Variants in RNF213 observed in about 807,000 individuals in gnomAD.
The protein encoded by RNF213 is E3 ubiquitin-protein ligase RNF213.
A neutral mutation model predicts 514.4 loss-of-function variants in RNF213; 341 were observed. That is an observed-to-expected ratio of 0.66 (90% CI 0.61 to 0.73). The LOEUF is 0.73. Among genes scored for constraint, RNF213 ranks in the 30% least tolerant of loss-of-function variants. The probability of loss-of-function intolerance (pLI) is 0.00; values close to 1 mark genes in which losing one functional copy is unlikely to be tolerated. For missense variants in RNF213, 5,767 were observed against 6,615.6 expected (o/e 0.87, Z 4.45); for synonymous variants, 2,655 against 2,658.2 (o/e 1.00, Z 0.04).
At chr17:80,333,525 C>T (rs1318352802) in intron 21 of RNF213, among the ~76,000 whole-genome samples, 2 of 151,562 alleles carry the variant, frequency 1.3e-5, no homozygotes, top group African/African-American at 4.8e-5. Context: ...GAAACCCCAT[C>T]TCTACTAAAA....
At chr17:80,283,191 A>C (rs1183158864) in intron 3 of RNF213, among the ~76,000 whole-genome samples, 1 of 152,148 alleles carries the variant, frequency 6.6e-6, no homozygotes, top group Non-Finnish European at 1.5e-5. Context: ...AGCAGGAGGC[A>C]CTGGCAGCAC....
Position 80,334,324 on chromosome 17 carries a change from G to C in RNF213, c.4309+54G>C. ...AGTGTGGAGAAAGTTTTCAGATGGCGCACTGTGTGGCGTTCCTAAACTCTT... is the reference window on the plus strand; with the variant it reads ...AGTGTGGAGAAAGTTTTCAGATGGCCCACTGTGTGGCGTTCCTAAACTCTT... On this transcript the variant is annotated intron_variant, in intron 22 of 67. Coordinates refer to ENST00000582970, the MANE Select transcript of RNF213 (RefSeq NM_001256071.3). The C allele has an allele frequency of 4.7e-6, 7 of 1,486,618 alleles. No individual in the cohort carries two copies. In the South Asian group the frequency reaches 9.1e-5, roughly 19 times the overall value. The allele number at this position is 1,486,618 out of a possible 1,614,324, so 92.1% of individuals were successfully genotyped here.
rs1568169784 is a variant in RNF213 at position 80,386,250 on chromosome 17, G to A, written c.14540G>A (p.Gly4847Asp). 2 of 1,607,244 alleles carry A rather than the reference G, an allele frequency of 1.2e-6. No homozygotes were observed. The highest frequency in any genetic ancestry group is 1.7e-6 in the Non-Finnish European group (2 of 1,179,932). ...TTAAGCATAACCCTGTCGTTTAAAG[G>A]TGAGATCAACCTACCCAAAGACTAC... ...NKLRRSLETN[G>D]EINLPKDYCS... The change falls in exon 62 of 68, where the codon GGT (glycine) becomes GAT (aspartate). Residue 4847 changes from glycine (G) to aspartate (D), a missense_variant and splice_region_variant. Around this residue, in one of 13 missense-constraint regions of RNF213, gnomAD observed 1,245 missense variants for 1,339.0 expected, o/e 0.93. Transcript: ENST00000582970.
chr17:80,382,272 T>G (rs1163512833), intron 57 of RNF213: 1 of 157,918 alleles, frequency 6.3e-6, no homozygotes, highest in African/African-American at 2.4e-5. Context: ...AGAAAAGGTC[T>G]GTAAGACAAC....
In RNF213 at chr17:80,394,311, G is replaced by A. The variant is rs561486760; in HGVS notation, c.*813G>A. On this transcript the variant is annotated 3_prime_UTR_variant, in exon 68 of 68. Coordinates refer to ENST00000582970, the MANE Select transcript of RNF213 (RefSeq NM_001256071.3). ...GGCCTGGTTCTGGCAGTTCTTTGCG[G>A]ACTTTTTTCTAGCATTATGCCAAAT... 1 of 152,336 alleles carries A rather than the reference G, an allele frequency of 6.6e-6. No homozygotes were observed. Among genetic ancestry groups the A allele is most frequent in the South Asian group, 2.1e-4 (1 of 4,832 alleles). 9.4% of individuals were successfully genotyped at this position (152,336 alleles called of 1,614,324 possible). A position where few individuals can be genotyped will look rare whatever the true frequency, so the allele number is the denominator to read the frequency against.
At chr17:80,297,045 A>G (rs948595909) in intron 10 of RNF213, among the ~76,000 whole-genome samples, 1 of 152,176 alleles carries the variant, frequency 6.6e-6, no homozygotes, top group Non-Finnish European at 1.5e-5. Context: ...GAGTGGAGGC[A>G]AAGGCAATGT....
In RNF213 at chr17:80,287,790, A is replaced by C. The variant is rs368720211; in HGVS notation, c.262-25A>C. Reference sequence around the variant, plus strand: ...AGAGTAGAGTAAATCTAAGAAATAAAGTGAGTGTCTCTCTTTCTGTTTAGA... The same window carrying C: ...AGAGTAGAGTAAATCTAAGAAATAACGTGAGTGTCTCTCTTTCTGTTTAGA... On this transcript the variant is annotated intron_variant, in intron 3 of 67. Coordinates refer to ENST00000582970, the MANE Select transcript of RNF213 (RefSeq NM_001256071.3). 6 of 1,611,646 alleles carry C rather than the reference A, an allele frequency of 3.7e-6. No homozygotes were observed. In the African/African-American group the frequency reaches 8.0e-5, roughly 22 times the overall value.
intron 11 of RNF213, among the ~76,000 whole-genome samples, chr17:80,303,107 A>G (rs1419551777): frequency 1.3e-5 from 2 of 152,230 alleles, no homozygotes; most frequent in African/African-American, 2.4e-5. Context: ...CAGCGTGTAC[A>G]GCACTGCTCA....
At position 80,337,657 on chromosome 17, in the gene RNF213, C is replaced by T; in HGVS notation, c.4599C>T (p.Ser1533=). The change falls in exon 24 of 68, where the codon TCC becomes TCT. Residue 1533 remains serine, a synonymous_variant. Coordinates refer to ENST00000582970, the MANE Select transcript of RNF213 (RefSeq NM_001256071.3). ...NESHGSVERS[S]LTLATAINQR... is the part of the protein sequence containing the mutation. ...GTCATGGGTCTGTGGAACGCTCATC[C>T]CTGACCCTGGCCACGGCCATCAACC... The T allele has an allele frequency of 2.6e-6, 4 of 1,537,274 alleles. No individual in the cohort carries two copies. Among genetic ancestry groups the T allele is most frequent in the Non-Finnish European group, 3.5e-6 (4 of 1,146,928 alleles).
At chr17:80,290,424 AGTGTGCGCGTGTGTGCATGTGT>A in intron 6 of RNF213, 124 bp from the exon 7 acceptor site, 4 of 887,886 alleles carry the variant, frequency 4.5e-6, no homozygotes, top group Non-Finnish European at 7.1e-6. Context: ...CGTGTGTGCG[AGTGTGCGCGTGTGTGCATGTGT>A]GTGTGCGAGT....
intron 32 of RNF213, 168 bp from the exon 33 acceptor site, chr17:80,352,772 G>T (rs2078575965): frequency 1.0e-6 from 1 of 959,218 alleles, no homozygotes; most frequent in Non-Finnish European, 1.7e-6. Context: ...ATAGTATCGG[G>T]TTGGGTGGTT....
intron 13 of RNF213, among the ~76,000 whole-genome samples, 174 bp from the exon 14 acceptor site, chr17:80,308,844 A>C (rs2045465567): frequency 2.6e-5 from 4 of 152,142 alleles, no homozygotes. Flanking sequence ...CTTCCTTTTT[A>C]TCTTAGTCAC....
At chr17:80,319,167 C>A in intron 16 of RNF213, 23 bp from the exon 17 acceptor site, 1 of 1,614,154 alleles carries the variant, frequency 6.2e-7, no homozygotes, top group Non-Finnish European at 8.5e-7. Flanking sequence ...AGCTCTGAAA[C>A]CACCCCCCTT....
rs747005473 is a variant in RNF213, at chr17:80,263,374, A to G, written c.-108-200A>G. On this transcript the variant is annotated intron_variant, in intron 1 of 67. Transcript: ENST00000582970. This position sits in a 1 kb window ranked among gnomAD's most constrained non-coding sequence, Gnocchi z 4.9. ...CCCACGCCTGCCTGGAGCATCCCCT[A>G]TCCCCACCCAGCCCAACCCATGTTC... Among the ~76,000 whole-genome samples, 4 of 152,020 alleles carry G rather than the reference A, an allele frequency of 2.6e-5. No individual in the cohort carries two copies. Among genetic ancestry groups the G allele is most frequent in the Non-Finnish European group, 4.4e-5 (3 of 67,974 alleles).
Position 80,369,292 on chromosome 17 carries a change from G to T in RNF213, c.12156-210G>T, listed in dbSNP as rs1177722337. On this transcript the variant is annotated intron_variant, in intron 44 of 67. Transcript: ENST00000582970. ...GCGTGCCTGTAATCCCAGCTACTTG[G>T]GAGGCTGAGGCAGGAGGATCACTTG... 3.3e-5 allele frequency among the ~76,000 whole-genome samples: 5 copies of T among 152,074 alleles called. No individual in the cohort carries two copies. In the East Asian group the frequency reaches 7.7e-4, roughly 23 times the overall value.
At position 80,263,779 on chromosome 17, in the gene RNF213, GT is replaced by G; in HGVS notation, c.97+2del. The G allele has an allele frequency of 2.5e-6, 4 of 1,613,834 alleles. No homozygotes were observed. The highest frequency in any genetic ancestry group is 2.5e-6 in the Non-Finnish European group (3 of 1,179,770). On this transcript the variant is annotated splice_donor_variant, in intron 2 of 67. Transcript: ENST00000582970. LOFTEE classifies it high-confidence loss of function. The surrounding 1 kb of genome is among the most constrained non-coding windows in gnomAD (Gnocchi z 4.9). ...CTGCCTCCTGCAGCCCCCATAGCAG[GT>G]GAGGCCCAGGGGTGCTGGTGGAGGC...
At chr17:80,290,403 T>G (rs112264422) in intron 6 of RNF213, among the ~76,000 whole-genome samples, 167 bp from the exon 7 acceptor site, 3 of 137,222 alleles carry the variant, frequency 2.2e-5, no homozygotes, top group East Asian at 2.0e-4. Flanking sequence ...GTACGTGTGC[T>G]TGTGTGTGTG....
chr17:80,352,729 G>A (rs988709103), intron 32 of RNF213: 10 of 713,194 alleles, frequency 1.4e-5, no homozygotes, highest in Non-Finnish European at 2.5e-5. Flanking sequence ...TGCTTATGGT[G>A]AAGCTGTCGA....
rs1390338386 is a variant in RNF213, at chr17:80,306,349, C to A, written c.2308C>A (p.Leu770Met). ...GTTTAGTCTGCTACCTCTGAGTCAC[C>A]TGGTTATGTATATGGAAAACTTCAT... is the stretch of plus-strand genomic sequence containing the variant. ...SWFSLLPLSH[L>M]VMYMENFIEH... The change falls in exon 12 of 68, where the codon CTG (leucine) becomes ATG (methionine). Residue 770 changes from leucine (L) to methionine (M), a missense_variant. Leu to Met is a conservative substitution (Grantham distance 15). Transcript: ENST00000582970. 4 of 1,614,058 alleles carry A rather than the reference C, an allele frequency of 2.5e-6. No homozygotes were observed. The highest frequency in any genetic ancestry group is 3.4e-6 in the Non-Finnish European group (4 of 1,180,048).
Sources: allele counts gnomAD v4.1 joint callset (sites outside exome capture counted in the v4.1 genomes callset), GRCh38; gene constraint gnomAD v4.1.1; regional missense constraint gnomAD v4.1.1; non-coding constraint Gnocchi (gnomAD v3.1); transcripts MANE v1.5; gene names NCBI Gene and HGNC (gene_info 2026-07-23, HGNC 2026-07-21).